NFAT5: variants seen among roughly 807,000 people sequenced by gnomAD.
NFAT5 encodes the protein nuclear factor of activated T cells 5, also known as nuclear factor of activated T-cells 5.
Under a neutral mutation model 166.5 loss-of-function variants are expected in NFAT5, and 31 were observed. The ratio of observed to expected loss-of-function variants is 0.19; its 90% CI spans 0.14 to 0.25. The LOEUF is 0.25. Among genes scored for constraint, NFAT5 ranks in the 10% least tolerant of loss-of-function variants. The pLI is 1.00. For synonymous variants in NFAT5, 612 were observed against 639.7 expected (o/e 0.96, Z 0.65); for missense variants, 1,449 against 1,821.8 (o/e 0.80, Z 3.72).
chr16:69,614,059 T>C (rs969767777), intron 2 of NFAT5, among the ~76,000 whole-genome samples: 1 of 152,228 alleles, frequency 6.6e-6, no homozygotes, highest in Non-Finnish European at 1.5e-5. Context: ...AAATATTTGG[T>C]TTTGTTTGAT....
chr16:69,694,456 T>C (rs1003568672), intron 13 of NFAT5, among the ~76,000 whole-genome samples: 53 of 152,150 alleles, frequency 3.5e-4, no homozygotes, highest in Admixed American at 3.5e-3. Flanking sequence ...GGTTTCACCA[T>C]GTTGGCCAGG....
intron 3 of NFAT5, among the ~76,000 whole-genome samples, chr16:69,643,683 C>T (rs950225842): frequency 6.6e-6 from 1 of 151,870 alleles, no homozygotes; most frequent in Non-Finnish European, 1.5e-5. Flanking sequence ...ATTCTTCAAC[C>T]TACATTTATT....
intron 2 of NFAT5, among the ~76,000 whole-genome samples, chr16:69,606,592 C>T (rs1308810539): frequency 1.3e-5 from 2 of 152,192 alleles, no homozygotes; most frequent in Non-Finnish European, 2.9e-5. Flanking sequence ...TGGTGGCTCA[C>T]GGGTGTAATC....
At chr16:69,638,284 ACTT>A (rs1475723419) in intron 3 of NFAT5, among the ~76,000 whole-genome samples, 1 of 152,138 alleles carries the variant, frequency 6.6e-6, no homozygotes, top group Non-Finnish European at 1.5e-5. Flanking sequence ...GCAATTTATG[ACTT>A]CTGGTTTTTT....
chr16:69,592,302 A>T (rs562392702), intron 2 of NFAT5, among the ~76,000 whole-genome samples: 1 of 151,852 alleles, frequency 6.6e-6, no homozygotes, highest in African/African-American at 2.4e-5. Flanking sequence ...CTGGTCTCGA[A>T]CTCATGACCT....
chr16:69,620,709 A>G (rs8049055), intron 2 of NFAT5, among the ~76,000 whole-genome samples: 1 of 152,214 alleles, frequency 6.6e-6, no homozygotes, highest in Non-Finnish European at 1.5e-5. Flanking sequence ...AAAGAGAGAG[A>G]GAGAGAAATA....
At chr16:69,593,412 G>A (rs1450519726) in intron 2 of NFAT5, among the ~76,000 whole-genome samples, 1 of 152,054 alleles carries the variant, frequency 6.6e-6, no homozygotes, top group African/African-American at 2.4e-5. Flanking sequence ...CTGGGCTCAA[G>A]CAGTGCTCCC....
At chr16:69,695,031 A>G (rs532729681) in intron 13 of NFAT5, 105 bp from the exon 14 acceptor site, 80 of 851,414 alleles carry the variant, frequency 9.4e-5, no homozygotes, top group Admixed American at 9.2e-4. Context: ...CCCAACAACT[A>G]ATAAATATCT....
chr16:69,646,000 TATTA>T lies in NFAT5; in HGVS notation c.254-1024_254-1021del, dbSNP rs910438383. Among the ~76,000 whole-genome samples the T allele has an allele frequency of 5.9e-5, 9 of 152,350 alleles. No individual in the cohort carries two copies. In the South Asian group the frequency reaches 1.7e-3, roughly 28 times the overall value. ...AACAGATAAATAGTTTTATAAAAAA[TATTA>T]ATTCTGATGCTCTCCAGAGATTTTT... On this transcript the variant is annotated intron_variant, in intron 3 of 14. Transcript: ENST00000349945.
chr16:69,596,717 TAAAAAAA>T (rs1177895504), intron 2 of NFAT5, among the ~76,000 whole-genome samples: 1 of 125,156 alleles, frequency 8.0e-6, no homozygotes, highest in East Asian at 2.2e-4. Context: ...GACTCTATCT[TAAAAAAA>T]AAAAAAAAAA....
chr16:69,656,282 C>CAA (rs1230748739), intron 6 of NFAT5, among the ~76,000 whole-genome samples: 64 of 58,590 alleles, frequency 1.1e-3, no homozygotes, highest in East Asian at 1.6e-3. Flanking sequence ...CTCTGTCTCA[C>CAA]AAAAAAAAAA....
chr16:69,682,759 T>C (rs1234440291), intron 10 of NFAT5, among the ~76,000 whole-genome samples: 1 of 152,214 alleles, frequency 6.6e-6, no homozygotes, highest in Non-Finnish European at 1.5e-5. Context: ...TGTGTTTTTT[T>C]TCCATTCAGT....
intron 10 of NFAT5, among the ~76,000 whole-genome samples, chr16:69,684,003 G>T (rs983742661): frequency 6.6e-6 from 1 of 152,144 alleles, no homozygotes; most frequent in African/African-American, 2.4e-5. Context: ...GGAGGCTGAG[G>T]CACGAGAATC....
intron 2 of NFAT5, among the ~76,000 whole-genome samples, chr16:69,572,011 G>A (rs989250857): frequency 6.6e-5 from 10 of 151,954 alleles, no homozygotes; most frequent in Admixed American, 2.6e-4. Flanking sequence ...ATCCGCCTGC[G>A]TCAGCCTCCC....
At chr16:69,601,564 G>A (rs1004871930) in intron 2 of NFAT5, among the ~76,000 whole-genome samples, 2 of 152,058 alleles carry the variant, frequency 1.3e-5, no homozygotes, top group Admixed American at 6.6e-5. Context: ...TGTAGAGACA[G>A]GATCTCGCTA....
intron 3 of NFAT5, among the ~76,000 whole-genome samples, chr16:69,633,936 A>T (rs758482668): frequency 4.6e-5 from 7 of 152,134 alleles, no homozygotes; most frequent in Non-Finnish European, 1.0e-4. Context: ...TATCTACCCC[A>T]TGAATATGTA....
intron 2 of NFAT5, among the ~76,000 whole-genome samples, chr16:69,625,685 A>C (rs2151579352): frequency 6.6e-6 from 1 of 152,232 alleles, no homozygotes; most frequent in Admixed American, 6.5e-5. Context: ...TTGACTGGAG[A>C]AGCCAATTTA....
chr16:69,688,253 A>G (rs1002720003), intron 11 of NFAT5, among the ~76,000 whole-genome samples: 2 of 149,280 alleles, frequency 1.3e-5, no homozygotes, highest in Non-Finnish European at 3.0e-5. Context: ...GCAGGTACTC[A>G]CTCCAGCCTG....
At chr16:69,659,505 TTTACTTTTTA>T (rs1221440433) in intron 6 of NFAT5, among the ~76,000 whole-genome samples, 1 of 152,200 alleles carries the variant, frequency 6.6e-6, no homozygotes, top group Non-Finnish European at 1.5e-5. Flanking sequence ...TTTTATTTTT[TTTACTTTTTA>T]TTATTATAAA....
Sources: gnomAD v4.1 joint callset for allele counts (sites outside exome capture counted in the v4.1 genomes callset) on GRCh38, gnomAD v4.1.1 for gene constraint, MANE v1.5 for transcripts, NCBI Gene and HGNC (gene_info 2026-07-23, HGNC 2026-07-21) for gene names.